LHFPL3: variants seen among roughly 807,000 people sequenced by gnomAD.
LHFPL3 encodes LHFPL tetraspan subfamily member 3 protein.
In LHFPL3, 5 loss-of-function variants were observed where a neutral mutation model predicts 19.3. The ratio of observed to expected loss-of-function variants is 0.26; its 90% CI spans 0.14 to 0.54. The LOEUF (loss-of-function observed/expected upper bound fraction) is 0.54, where lower values mean the gene tolerates loss of function less well. Among genes scored for constraint, LHFPL3 ranks in the 20% least tolerant of loss-of-function variants. LHFPL3 has a pLI of 0.94. For synonymous variants in LHFPL3, 133 were observed against 126.2 expected (o/e 1.05, Z -0.36); for missense variants, 249 against 307.4 (o/e 0.81, Z 1.42).
At chr7:104,457,869 T>C (rs886092035) in intron 1 of LHFPL3, among the ~76,000 whole-genome samples, 1 of 143,692 alleles carries the variant, frequency 7.0e-6, no homozygotes, top group Non-Finnish European at 1.5e-5. Flanking sequence ...TAGCCAGTGA[T>C]GGTGAGCATT....
intron 1 of LHFPL3, among the ~76,000 whole-genome samples, chr7:104,588,249 G>C (rs1450420785): frequency 6.6e-6 from 1 of 152,132 alleles, no homozygotes; most frequent in African/African-American, 2.4e-5. Flanking sequence ...TATGGTTTCA[G>C]GTCCAACATT....
chr7:104,742,373 G>T (rs1220040404), intron 2 of LHFPL3, among the ~76,000 whole-genome samples: 1 of 152,194 alleles, frequency 6.6e-6, no homozygotes. Context: ...TAACCATCAA[G>T]AGGTGACTCC....
At position 104,329,113 on chromosome 7, in the gene LHFPL3, A is replaced by C; in HGVS notation, c.334A>C (p.Ile112Leu). Residue 112 changes from isoleucine (I) to leucine (L), a missense_variant, in exon 1 of 3, where the codon ATC becomes CTC. Transcript: ENST00000424859. ...CGCCTTCAAAGCCGCCTCCTTCTTT[A>C]TCGGCCTCTCCATGATGCTCATCAT... is the stretch of plus-strand genomic sequence containing the variant. ...SGAFKAASFF[I>L]GLSMMLIIAC... 6.2e-7 allele frequency: 1 copy of C among 1,614,044 alleles called. No individual in the cohort carries two copies. The highest frequency in any genetic ancestry group is 8.5e-7 in the Non-Finnish European group (1 of 1,179,908).
intron 1 of LHFPL3, among the ~76,000 whole-genome samples, chr7:104,464,208 G>T (rs551969074): frequency 6.6e-6 from 1 of 152,168 alleles, no homozygotes; most frequent in Non-Finnish European, 1.5e-5. Context: ...TCTCACGCCC[G>T]GGTCACACAG....
chr7:104,586,103 C>T (rs900630689), intron 1 of LHFPL3, among the ~76,000 whole-genome samples: 7 of 151,922 alleles, frequency 4.6e-5, no homozygotes, highest in South Asian at 2.1e-4. Flanking sequence ...GATATCAGAA[C>T]GTCCATAAAT....
intron 1 of LHFPL3, among the ~76,000 whole-genome samples, chr7:104,632,620 A>G (rs1791663672): frequency 6.6e-6 from 1 of 152,218 alleles, no homozygotes. Flanking sequence ...AATTACATAT[A>G]GTTCAGGGCA....
chr7:104,896,712 G>A (rs1792367040), intron 2 of LHFPL3, among the ~76,000 whole-genome samples: 1 of 152,208 alleles, frequency 6.6e-6, no homozygotes, highest in Non-Finnish European at 1.5e-5. Flanking sequence ...GGAGGGGCTG[G>A]AGCAGGGAGA....
chr7:104,496,212 A>G (rs1793476167), intron 1 of LHFPL3, among the ~76,000 whole-genome samples: 1 of 152,106 alleles, frequency 6.6e-6, no homozygotes, highest in Non-Finnish European at 1.5e-5. Flanking sequence ...GAGTGAGAAT[A>G]TGCGGTGTTT....
intron 1 of LHFPL3, among the ~76,000 whole-genome samples, chr7:104,332,622 G>A (rs990210030): frequency 2.6e-5 from 4 of 152,064 alleles, no homozygotes; most frequent in Non-Finnish European, 4.4e-5. Flanking sequence ...GATTCTGAAC[G>A]ATGAACCAGA....
chr7:104,866,860 A>T (rs964209193), intron 2 of LHFPL3, among the ~76,000 whole-genome samples: 10 of 152,256 alleles, frequency 6.6e-5, no homozygotes, highest in African/African-American at 2.4e-4. Flanking sequence ...AAAGAACAGA[A>T]ATTATAATAA....
Position 104,328,635 on chromosome 7 carries a change from C to G in LHFPL3, c.-145C>G. On this transcript the variant is annotated 5_prime_UTR_variant, in exon 1 of 3. Transcript: ENST00000424859. This position sits in a 1 kb window ranked among gnomAD's most constrained non-coding sequence, Gnocchi z 4.6. ...CGCCCTCCTTCCGGGAGCGAGGATGCAGACTCTGAAACTGGTGCTGCTGGG... is the reference window on the plus strand; with the variant it reads ...CGCCCTCCTTCCGGGAGCGAGGATGGAGACTCTGAAACTGGTGCTGCTGGG... 4 of 715,238 alleles carry G rather than the reference C, an allele frequency of 5.6e-6. No individual in the cohort carries two copies. Among genetic ancestry groups the G allele is most frequent in the Non-Finnish European group, 9.2e-6 (4 of 434,348 alleles). The allele number at this position is 715,238 out of a possible 1,614,324, so 44.3% of individuals were successfully genotyped here.
At chr7:104,793,950 G>A (rs112980424) in intron 2 of LHFPL3, among the ~76,000 whole-genome samples, 1 of 152,142 alleles carries the variant, frequency 6.6e-6, no homozygotes, top group Non-Finnish European at 1.5e-5. Flanking sequence ...AGTCAAGATG[G>A]AATCACTCTT....
At chr7:104,477,889 G>C (rs889093186) in intron 1 of LHFPL3, among the ~76,000 whole-genome samples, 2 of 152,162 alleles carry the variant, frequency 1.3e-5, no homozygotes, top group East Asian at 1.9e-4. Flanking sequence ...TAGCCAGATG[G>C]GGAGGGAGGG....
chr7:104,387,586 T>C (rs1008761214), intron 1 of LHFPL3, among the ~76,000 whole-genome samples: 1 of 151,970 alleles, frequency 6.6e-6, no homozygotes, highest in Non-Finnish European at 1.5e-5. Context: ...TACCAATATA[T>C]GCATAATGGT....
intron 1 of LHFPL3, among the ~76,000 whole-genome samples, chr7:104,452,244 A>G (rs572244481): frequency 2.4e-4 from 36 of 152,320 alleles, no homozygotes; most frequent in African/African-American, 8.4e-4. Flanking sequence ...TAAGGGATGG[A>G]TGCTTCTGAC....
chr7:104,624,739 A>G (rs1791511921), intron 1 of LHFPL3, among the ~76,000 whole-genome samples: 1 of 152,218 alleles, frequency 6.6e-6, no homozygotes, highest in Non-Finnish European at 1.5e-5. Context: ...TATCCTTTCA[A>G]TGCAAAAAAA....
At chr7:104,799,398 A>G (rs1790197725) in intron 2 of LHFPL3, 1 of 152,244 alleles carries the variant, frequency 6.6e-6, no homozygotes, top group African/African-American at 2.4e-5. Context: ...GCACATTCAC[A>G]TACAGGCAGC....
rs183838939 is a variant in LHFPL3, at chr7:104,670,754, C to A, written c.446-65921C>A. On this transcript the variant is annotated intron_variant, in intron 1 of 2. Transcript: ENST00000424859. ...GGGACAGGGACAGTTAAATTGGGAG[C>A]CTTTCTTACAACCTTGATGGGTTTT... Among the ~76,000 whole-genome samples, 8 of 152,234 alleles carry A rather than the reference C, an allele frequency of 5.3e-5. No homozygotes were observed. In the East Asian group the frequency reaches 1.5e-3, roughly 29 times the overall value.
chr7:104,479,782 G>C (rs1238470311), intron 1 of LHFPL3, among the ~76,000 whole-genome samples: 1 of 152,174 alleles, frequency 6.6e-6, no homozygotes, highest in Non-Finnish European at 1.5e-5. Context: ...CAAGATTCTT[G>C]AGGCTTCCCT....
Sources: gnomAD v4.1 joint callset for allele counts (sites outside exome capture counted in the v4.1 genomes callset) on GRCh38, gnomAD v4.1.1 for gene constraint, Gnocchi (gnomAD v3.1) non-coding constraint, MANE v1.5 for transcripts, NCBI Gene and HGNC (gene_info 2026-07-23, HGNC 2026-07-21) for gene names.